TIMP3: variants seen among roughly 807,000 people sequenced by gnomAD.
The protein encoded by TIMP3 is metalloproteinase inhibitor 3.
A neutral mutation model predicts 30.0 loss-of-function variants in TIMP3; 11 were observed. The ratio of observed to expected loss-of-function variants is 0.37; its 90% CI spans 0.23 to 0.61. The LOEUF (loss-of-function observed/expected upper bound fraction) is 0.61, where lower values mean the gene tolerates loss of function less well. Among genes scored for constraint, TIMP3 ranks in the 20% least tolerant of loss-of-function variants. TIMP3 has a pLI of 0.70. For synonymous variants in TIMP3, 112 were observed against 111.3 expected, an observed-to-expected ratio of 1.01 and a Z score of -0.04; for missense variants, 181 against 276.8, an observed-to-expected ratio of 0.65 and a Z score of 2.45.
At chr22:32,814,137 TGTGTGAGA>T (rs1370507320) in intron 1 of TIMP3, among the ~76,000 whole-genome samples, 8 of 80,158 alleles carry the variant, frequency 1.0e-4, no homozygotes, top group African/African-American at 3.9e-4. Flanking sequence ...TGTGTGTGTG[TGTGTGAGA>T]GAGAGAGAGA....
intron 1 of TIMP3, among the ~76,000 whole-genome samples, chr22:32,814,137 TGTGTGA>T (rs1408493436): frequency 2.0e-4 from 16 of 80,158 alleles, no homozygotes; most frequent in African/African-American, 2.9e-4. Context: ...TGTGTGTGTG[TGTGTGA>T]GAGAGAGAGA....
At chr22:32,843,707 G>A (rs1377558381) in intron 1 of TIMP3, among the ~76,000 whole-genome samples, 1 of 152,142 alleles carries the variant, frequency 6.6e-6, no homozygotes, top group Admixed American at 6.5e-5. Flanking sequence ...GCGAGCCCAT[G>A]GTCCAGGCTT....
At chr22:32,851,287 G>A (rs939490920) in intron 2 of TIMP3, among the ~76,000 whole-genome samples, 14 of 152,064 alleles carry the variant, frequency 9.2e-5, no homozygotes, top group Non-Finnish European at 1.6e-4. Flanking sequence ...GCAGAGAGCT[G>A]AGAGGGAAAT....
chr22:32,816,228 C>G (rs527965848), intron 1 of TIMP3, among the ~76,000 whole-genome samples: 15 of 152,198 alleles, frequency 9.9e-5, no homozygotes, highest in Middle Eastern at 3.4e-3. Context: ...GGGGGGAGGC[C>G]AGAGGATTAA....
At chr22:32,802,994 G>C (rs558435570) in intron 1 of TIMP3, among the ~76,000 whole-genome samples, 1 of 152,296 alleles carries the variant, frequency 6.6e-6, no homozygotes, top group African/African-American at 2.4e-5. Flanking sequence ...CTACTCCTTA[G>C]TGTGTATGGA....
chr22:32,804,707 T>C (rs2046679196), intron 1 of TIMP3, among the ~76,000 whole-genome samples: 1 of 151,796 alleles, frequency 6.6e-6, no homozygotes, highest in Non-Finnish European at 1.5e-5. Flanking sequence ...GGAGGAGGAG[T>C]TAAAAGGTGT....
intron 2 of TIMP3, among the ~76,000 whole-genome samples, chr22:32,854,473 T>C (rs1472928989): frequency 6.6e-6 from 1 of 152,138 alleles, no homozygotes; most frequent in African/African-American, 2.4e-5. Flanking sequence ...GAGGTTCCCA[T>C]GGGCTGGGTC....
At chr22:32,848,590 G>T (rs2048133989) in intron 1 of TIMP3, among the ~76,000 whole-genome samples, 1 of 152,132 alleles carries the variant, frequency 6.6e-6, no homozygotes, top group Non-Finnish European at 1.5e-5. Context: ...CATTTTTGGT[G>T]ATGATAATGA....
chr22:32,813,461 T>G (rs2046966481), intron 1 of TIMP3, among the ~76,000 whole-genome samples: 1 of 149,166 alleles, frequency 6.7e-6, no homozygotes, highest in South Asian at 2.1e-4. Flanking sequence ...AATCCAAATT[T>G]TTAATGTAAC....
intron 1 of TIMP3, among the ~76,000 whole-genome samples, chr22:32,841,318 G>A (rs2047894829): frequency 6.6e-6 from 1 of 152,186 alleles, no homozygotes; most frequent in Non-Finnish European, 1.5e-5. Context: ...GTCTGATAGA[G>A]CACAGTGTCA....
At chr22:32,804,842 G>GT (rs2046683276) in intron 1 of TIMP3, among the ~76,000 whole-genome samples, 1 of 152,178 alleles carries the variant, frequency 6.6e-6, no homozygotes, top group Non-Finnish European at 1.5e-5. Flanking sequence ...GATGTCTGTG[G>GT]TCCCCCTCCC....
In TIMP3 at chr22:32,801,918, C is replaced by T; in HGVS notation, c.-84C>T. On this transcript the variant is annotated 5_prime_UTR_variant, in exon 1 of 5. Coordinates refer to ENST00000266085, the MANE Select transcript of TIMP3 (RefSeq NM_000362.5). This position sits in a 1 kb window ranked among gnomAD's most constrained non-coding sequence, Gnocchi z 4.7. ...GCACGGCCCGGCGGGCGAGCGAGCT[C>T]GGGCTGCAGCAGCCCCGCCGGCGGC... 1.4e-6 allele frequency: 2 copies of T among 1,468,552 alleles called. No individual in the cohort carries two copies. Among genetic ancestry groups the T allele is most frequent in the South Asian group, 1.3e-5 (1 of 76,582 alleles). The allele number at this position is 1,468,552 out of a possible 1,614,324, so 91.0% of individuals were successfully genotyped here. A position where few individuals can be genotyped will look rare whatever the true frequency, so the allele number is the denominator to read the frequency against.
chr22:32,852,196 A>AT (rs1482778137), intron 2 of TIMP3, among the ~76,000 whole-genome samples: 12 of 152,196 alleles, frequency 7.9e-5, no homozygotes, highest in Non-Finnish European at 1.3e-4. Context: ...AACTGTTAAG[A>AT]TTATATGGCC....
In TIMP3 at chr22:32,859,213, A is replaced by G. The variant is rs1458919464; in HGVS notation, c.472A>G (p.Thr158Ala). The change falls in exon 5 of 5, where the codon ACT (threonine) becomes GCT (alanine). Residue 158 changes from threonine to alanine, a missense_variant. Thr to Ala is a moderately conservative substitution (Grantham distance 58). Coordinates refer to ENST00000266085, the MANE Select transcript of TIMP3 (RefSeq NM_000362.5). ...KSCYYLPCFV[T>A]SKNECLWTDM... is the part of the protein sequence containing the mutation. ...CTGCTACTACCTGCCTTGCTTTGTG[A>G]CTTCCAAGAACGAGTGTCTCTGGAC... is the stretch of plus-strand genomic sequence containing the variant. The G allele has an allele frequency of 6.2e-7, 1 of 1,614,004 alleles. No homozygotes were observed. The highest frequency in any genetic ancestry group is 2.2e-5 in the East Asian group (1 of 44,882).
At chr22:32,850,263 T>C (rs2048181348) in intron 2 of TIMP3, among the ~76,000 whole-genome samples, 1 of 151,962 alleles carries the variant, frequency 6.6e-6, no homozygotes, top group Non-Finnish European at 1.5e-5. Flanking sequence ...TACTCCTAAA[T>C]AGCCTGCTTA....
At chr22:32,831,512 T>C (rs9621573) in intron 1 of TIMP3, among the ~76,000 whole-genome samples, 15,550 of 152,136 alleles carry the variant, frequency 0.1, 915 homozygotes, top group African/African-American at 0.17. Flanking sequence ...GGGTCGGAGT[T>C]GGGGGGCAGT....
At chr22:32,803,950 A>G (rs550511878) in intron 1 of TIMP3, among the ~76,000 whole-genome samples, 77 of 152,328 alleles carry the variant, frequency 5.1e-4, no homozygotes, top group African/African-American at 1.8e-3. Context: ...AAGCATGAGT[A>G]GATCCTGCTT....
rs148670522 is a variant in TIMP3 at position 32,833,726 on chromosome 22, T to A, written c.122-15726T>A. On this transcript the variant is annotated intron_variant, in intron 1 of 4. Transcript: ENST00000266085. ...TCCACCACTTCCGCATTAGATGATC[T>A]GGGGAGAGTCACTTCTTCTTTACAG... 1,946 of 489,268 alleles carry A rather than the reference T, an allele frequency of 4.0e-3. 37 individuals carry two copies. Among genetic ancestry groups the A allele is most frequent in the African/African-American group, 0.036 (1,780 of 50,066 alleles). 30.3% of individuals were successfully genotyped at this position (489,268 alleles called of 1,614,324 possible). A position where few individuals can be genotyped will look rare whatever the true frequency, so the allele number is the denominator to read the frequency against.
chr22:32,801,894 C>T lies in TIMP3; in HGVS notation c.-108C>T. ...CGCGCCGGAGGCCAAGGTTGCCCCG[C>T]ACGGCCCGGCGGGCGAGCGAGCTCG... On this transcript the variant is annotated 5_prime_UTR_variant, in exon 1 of 5. Transcript: ENST00000266085. The surrounding 1 kb of genome is among the most constrained non-coding windows in gnomAD (Gnocchi z 4.7). The T allele has an allele frequency of 6.6e-6, 9 of 1,358,038 alleles. No individual in the cohort carries two copies. Among genetic ancestry groups the T allele is most frequent in the Non-Finnish European group, 8.5e-6 (9 of 1,060,602 alleles). 84.1% of individuals were successfully genotyped at this position (1,358,038 alleles called of 1,614,324 possible). A position where few individuals can be genotyped will look rare whatever the true frequency, so the allele number is the denominator to read the frequency against.
Sources: allele counts gnomAD v4.1 joint callset (sites outside exome capture counted in the v4.1 genomes callset), GRCh38; gene constraint gnomAD v4.1.1; non-coding constraint Gnocchi (gnomAD v3.1); transcripts MANE v1.5; gene names NCBI Gene and HGNC (gene_info 2026-07-23, HGNC 2026-07-21).